CFAP65: variants seen among roughly 807,000 people sequenced by gnomAD.
CFAP65 encodes the protein cilia and flagella associated protein 65.
A neutral mutation model predicts 208.0 loss-of-function variants in CFAP65; 155 were observed. The observed-to-expected ratio is 0.75, with a 90% confidence interval of 0.65 to 0.85. CFAP65 has a LOEUF of 0.85. Ranked by LOEUF, CFAP65 falls within the 40% of genes least tolerant of loss-of-function variation. The pLI is 0.00. For synonymous variants in CFAP65, 970 were observed against 986.3 expected (o/e 0.98, Z 0.31); for missense variants, 2,294 against 2,451.3 (o/e 0.94, Z 1.36).
chr2:219,023,215 C>T lies in CFAP65; in HGVS notation c.2812G>A (p.Glu938Lys), dbSNP rs371538009. The change falls in exon 16 of 35, where the codon GAG becomes AAG. Residue 938 changes from glutamate (E) to lysine (K), a missense_variant. Physicochemically the swap from Glu to Lys is moderately conservative, Grantham distance 56. Around this residue, in one of 2 missense-constraint regions of CFAP65, gnomAD observed 1,427 missense variants for 1,438.7 expected, o/e 0.99. Transcript: ENST00000341552. Reference sequence around the variant, plus strand: ...GGAGGGGAGCCACTCACAAGTCTCTCGTTGGGCTGGATTAGCCCCCTGGAG... The same window carrying T: ...GGAGGGGAGCCACTCACAAGTCTCTTGTTGGGCTGGATTAGCCCCCTGGAG... ...QPSRGLIQPN[E>K]RLTLTWTFSP... The T allele has an allele frequency of 1.4e-5, 23 of 1,611,514 alleles. No homozygotes were observed. The highest frequency in any genetic ancestry group is 2.2e-5 in the East Asian group (1 of 44,882).
At position 219,019,105 on chromosome 2, in the gene CFAP65, G is replaced by C. The variant is rs1947100275; in HGVS notation, c.3548C>G (p.Pro1183Arg). The change falls in exon 21 of 35, where the codon CCA (proline) becomes CGA (arginine). Residue 1183 changes from proline to arginine, a missense_variant. Physicochemically the swap from Pro to Arg is moderately radical, Grantham distance 103 (BLOSUM62 -2). Coordinates refer to ENST00000341552, the MANE Select transcript of CFAP65 (RefSeq NM_194302.4). ...CAGGGCCAGGAATACCACGGAAGGT[G>C]GGGCCTTGAATGGTGCGGCCCCGAA... is the stretch of plus-strand genomic sequence containing the variant. ...FNFGAAPFKA[P>R]PSVVFLALKN... is the part of the protein sequence containing the mutation. 1 of 1,614,116 alleles carries C rather than the reference G, an allele frequency of 6.2e-7. No homozygotes were observed. The highest frequency in any genetic ancestry group is 1.3e-5 in the African/African-American group (1 of 74,946).
At chr2:219,026,553 G>A (rs191963592) in intron 13 of CFAP65, 36 of 167,820 alleles carry the variant, frequency 2.1e-4, no homozygotes, top group African/African-American at 8.1e-4. Context: ...TGAAGTTAAT[G>A]TTAATAGTAT....
intron 28 of CFAP65, 80 bp downstream of exon 28, chr2:219,009,267 G>GA (rs1946259134): frequency 1.4e-6 from 2 of 1,447,152 alleles, no homozygotes; most frequent in African/African-American, 1.4e-5. Context: ...GGGGTCTGGG[G>GA]ATCTCACAGC....
rs546803115 is a variant in CFAP65 at position 219,004,833 on chromosome 2, G to C, written c.5052-378C>G. On this transcript the variant is annotated intron_variant, in intron 32 of 34. Coordinates refer to ENST00000341552, the MANE Select transcript of CFAP65 (RefSeq NM_194302.4). The surrounding 1 kb of genome is among the most constrained non-coding windows in gnomAD (Gnocchi z 4.7). ...CACTGTCCTGGGGTGGGGGGGCCGG[G>C]GGGGGGGACCGTGGTGGGATCTTGC... 1.6e-4 allele frequency among the ~76,000 whole-genome samples: 23 copies of C among 146,246 alleles called. No homozygotes were observed. Among genetic ancestry groups the C allele is most frequent in the East Asian group, 6.3e-4 (3 of 4,760 alleles).
intron 24 of CFAP65, 102 bp from the exon 25 acceptor site, chr2:219,011,098 T>C (rs1287421932): frequency 1.7e-5 from 18 of 1,084,844 alleles, no homozygotes; most frequent in African/African-American, 1.6e-5. Context: ...CTGATCTCCA[T>C]GATGTCACCC....
At chr2:219,035,278 G>A in intron 5 of CFAP65, 6 of 1,461,068 alleles carry the variant, frequency 4.1e-6, no homozygotes, top group Non-Finnish European at 5.5e-6. Flanking sequence ...TATGGTACAG[G>A]CACACATTGG....
In CFAP65 at chr2:219,023,558, C is replaced by G. The variant is rs993935755; in HGVS notation, c.2596-127G>C. Reference sequence around the variant, plus strand: ...AAGCAGGCAGTCAAAGGCCCTCTGCCAGCCCGTGTACCGGCAGTTTCTGTC... The same window carrying G: ...AAGCAGGCAGTCAAAGGCCCTCTGCGAGCCCGTGTACCGGCAGTTTCTGTC... On this transcript the variant is annotated intron_variant, in intron 15 of 34. Transcript: ENST00000341552. 5.9e-6 allele frequency: 4 copies of G among 682,322 alleles called. No homozygotes were observed. In the African/African-American group the frequency reaches 7.3e-5, roughly 12 times the overall value. The allele number at this position is 682,322 out of a possible 1,614,324, so 42.3% of individuals were successfully genotyped here. A position where few individuals can be genotyped will look rare whatever the true frequency, so the allele number is the denominator to read the frequency against.
At chr2:219,019,246 G>A (rs1051535296) in intron 20 of CFAP65, 67 bp from the exon 21 acceptor site, 2 of 1,522,438 alleles carry the variant, frequency 1.3e-6, no homozygotes, top group Admixed American at 2.0e-5. Context: ...CCCAGGGATG[G>A]CTGGCTTGGG....
intron 3 of CFAP65, 80 bp downstream of exon 3, chr2:219,038,816 C>T (rs963776908): frequency 2.6e-5 from 39 of 1,480,236 alleles, no homozygotes; most frequent in Non-Finnish European, 3.4e-5. Context: ...GGACAAGGCC[C>T]ACCCCACTAG....
Position 219,029,651 on chromosome 2 carries a change from G to T in CFAP65, c.1402C>A (p.Gln468Lys). 1.2e-6 allele frequency: 2 copies of T among 1,614,078 alleles called. No individual in the cohort carries two copies. Among genetic ancestry groups the T allele is most frequent in the Non-Finnish European group, 1.7e-6 (2 of 1,179,968 alleles). ...CAGCTGAAGTTGACACAGTAGTGCTGCAGGGACACAGCAGGGCCTGGACAC... is the reference window on the plus strand; with the variant it reads ...CAGCTGAAGTTGACACAGTAGTGCTTCAGGGACACAGCAGGGCCTGGACAC... Reference protein sequence around the residue: ...GFCRGPAVSLQHYCVNFSWVN... With the variant: ...GFCRGPAVSLKHYCVNFSWVN... Residue 468 changes from glutamine (Q) to lysine (K), a missense_variant, in exon 11 of 35, where the codon CAG becomes AAG. Gln to Lys is a moderately conservative substitution (Grantham distance 53). Coordinates refer to ENST00000341552, the MANE Select transcript of CFAP65 (RefSeq NM_194302.4).
intron 29 of CFAP65, 45 bp from the exon 30 acceptor site, chr2:219,006,554 C>T (rs763521360): frequency 6.3e-7 from 1 of 1,598,974 alleles, no homozygotes; most frequent in East Asian, 2.2e-5. Context: ...AGAGGCCCGG[C>T]CGGGGGTGGT....
intron 29 of CFAP65, among the ~76,000 whole-genome samples, chr2:219,007,169 T>G (rs1559116040): frequency 1.7e-5 from 2 of 118,982 alleles, no homozygotes; most frequent in Non-Finnish European, 3.6e-5. Context: ...TTTTTGTTTG[T>G]TTTTTTTTCT....
At chr2:219,024,472 G>T (rs1052706813) in intron 14 of CFAP65, among the ~76,000 whole-genome samples, 1 of 124,714 alleles carries the variant, frequency 8.0e-6, no homozygotes, top group African/African-American at 3.7e-5. Context: ...CTCCAGAAAG[G>T]GGCGGGGGGG....
chr2:219,019,845 C>T (rs575694599), intron 19 of CFAP65, 126 bp from the exon 20 acceptor site: 4 of 686,280 alleles, frequency 5.8e-6, no homozygotes, highest in East Asian at 2.7e-5. Context: ...AGCAGTGGAC[C>T]CCTCTCGGGC....
intron 16 of CFAP65, among the ~76,000 whole-genome samples, chr2:219,022,625 C>T (rs1947343957): frequency 6.6e-6 from 1 of 152,162 alleles, no homozygotes; most frequent in Admixed American, 6.5e-5. Flanking sequence ...AGCGGGATGT[C>T]AACATTCCAG....
Position 219,029,466 on chromosome 2 carries a change from A to G in CFAP65, c.1587T>C (p.Cys529=), listed in dbSNP as rs1947868150. 1.2e-6 allele frequency: 2 copies of G among 1,613,984 alleles called. No individual in the cohort carries two copies. Among genetic ancestry groups the G allele is most frequent in the Non-Finnish European group, 1.7e-6 (2 of 1,180,000 alleles). ...TGATGGGGTGAGTGGGCTGGAAGGC[A>G]CAGTGCAGGGTCATACGGGCCTTGC... is the stretch of plus-strand genomic sequence containing the variant. ...LVGKARMTLH[C]AFQPTHPIIC... is the part of the protein sequence containing the mutation. Residue 529 remains cysteine (C), a synonymous_variant, in exon 11 of 35, where the codon TGT becomes TGC. Transcript: ENST00000341552.
chr2:219,035,389 T>A, intron 5 of CFAP65, 91 bp downstream of exon 5: 2 of 1,608,688 alleles, frequency 1.2e-6, no homozygotes, highest in Admixed American at 1.7e-5. Flanking sequence ...ATGTTAAAGG[T>A]TTTTTTTGTT....
At chr2:219,040,709 T>C (rs1948611623) in intron 1 of CFAP65, 145 bp from the exon 2 acceptor site, 1 of 1,218,346 alleles carries the variant, frequency 8.2e-7, no homozygotes. Context: ...ACTCAACACA[T>C]GAAACTATTC....
At chr2:219,007,223 G>A (rs1436092098) in intron 29 of CFAP65, among the ~76,000 whole-genome samples, 1 of 150,866 alleles carries the variant, frequency 6.6e-6, no homozygotes, top group Non-Finnish European at 1.5e-5. Context: ...ACCCAGGTTG[G>A]AGTGGAGTGA....
Sources: allele counts gnomAD v4.1 joint callset (sites outside exome capture counted in the v4.1 genomes callset), GRCh38; gene constraint gnomAD v4.1.1; regional missense constraint gnomAD v4.1.1; non-coding constraint Gnocchi (gnomAD v3.1); transcripts MANE v1.5; gene names NCBI Gene and HGNC (gene_info 2026-07-23, HGNC 2026-07-21).